Variants in ADAMTS12 observed in about 807,000 individuals in gnomAD.
ADAMTS12 encodes ADAM metallopeptidase with thrombospondin type 1 motif 12.
ADAMTS12 carries 118 observed loss-of-function variants against 167.8 expected under a neutral mutation model. The observed-to-expected ratio is 0.70, with a 90% CI of 0.61 to 0.82. The LOEUF is 0.82. Among genes scored for constraint, ADAMTS12 ranks in the 40% least tolerant of loss-of-function variants. ADAMTS12 has a pLI of 0.00. For missense variants in ADAMTS12, 1,916 were observed against 1,998.8 expected (o/e 0.96, Z 0.79); for synonymous variants, 704 against 716.9 (o/e 0.98, Z 0.29).
chr5:33,591,776 T>C (rs1431622916), intron 17 of ADAMTS12, among the ~76,000 whole-genome samples: 1 of 152,150 alleles, frequency 6.6e-6, no homozygotes, highest in African/African-American at 2.4e-5. Context: ...CAGGGGACAT[T>C]TGGGAATGTC....
chr5:33,813,833 C>T (rs1747550454), intron 2 of ADAMTS12, among the ~76,000 whole-genome samples: 1 of 152,232 alleles, frequency 6.6e-6, no homozygotes. Flanking sequence ...CAGAGACATG[C>T]TGTGCCCCCT....
chr5:33,731,716 G>A (rs1744200920), intron 3 of ADAMTS12, among the ~76,000 whole-genome samples: 2 of 152,200 alleles, frequency 1.3e-5, no homozygotes, highest in African/African-American at 4.8e-5. Flanking sequence ...TCAGGAACAC[G>A]ATGCTCTGGC....
intron 14 of ADAMTS12, among the ~76,000 whole-genome samples, chr5:33,621,994 C>A (rs149651737): frequency 6.6e-6 from 1 of 152,286 alleles, no homozygotes; most frequent in East Asian, 1.9e-4. Flanking sequence ...GCAACCATGA[C>A]CCTCTTGTTA....
intron 2 of ADAMTS12, among the ~76,000 whole-genome samples, chr5:33,764,875 T>C (rs2112415535): frequency 6.6e-6 from 1 of 151,978 alleles, no homozygotes; most frequent in East Asian, 1.9e-4. Flanking sequence ...CCACCCCCAT[T>C]TGCACCCCCG....
At chr5:33,730,016 C>T (rs560388881) in intron 3 of ADAMTS12, among the ~76,000 whole-genome samples, 1 of 152,264 alleles carries the variant, frequency 6.6e-6, no homozygotes, top group South Asian at 2.1e-4. Flanking sequence ...CCAAAAGTTC[C>T]ATTCTGGAGC....
intron 1 of ADAMTS12, among the ~76,000 whole-genome samples, chr5:33,884,501 C>G (rs1291870169): frequency 6.6e-6 from 1 of 152,186 alleles, no homozygotes; most frequent in Non-Finnish European, 1.5e-5. Context: ...TGCCCATGCT[C>G]CCCAAGCCCA....
intron 21 of ADAMTS12, among the ~76,000 whole-genome samples, chr5:33,547,961 C>T (rs1745063638): frequency 6.6e-6 from 1 of 152,124 alleles, no homozygotes; most frequent in Admixed American, 6.5e-5. Context: ...TACTCAAGAA[C>T]TAGGCAGGGG....
chr5:33,680,688 A>T (rs1209733563), intron 5 of ADAMTS12, among the ~76,000 whole-genome samples: 1 of 152,172 alleles, frequency 6.6e-6, no homozygotes, highest in Non-Finnish European at 1.5e-5. Flanking sequence ...TTCAAGATGT[A>T]TTTAACTCAT....
intron 17 of ADAMTS12, among the ~76,000 whole-genome samples, chr5:33,595,462 G>C (rs903316927): frequency 9.2e-5 from 14 of 152,238 alleles, no homozygotes; most frequent in Middle Eastern, 3.4e-3. Context: ...CCACAACAAA[G>C]AGTCAGCCAG....
chr5:33,636,805 T>C (rs975842759), intron 12 of ADAMTS12, among the ~76,000 whole-genome samples: 5 of 152,200 alleles, frequency 3.3e-5, no homozygotes, highest in African/African-American at 1.2e-4. Context: ...ACAAATATGT[T>C]TTTTGATGTT....
chr5:33,663,704 A>G (rs1472604808), intron 5 of ADAMTS12, among the ~76,000 whole-genome samples: 1 of 152,236 alleles, frequency 6.6e-6, no homozygotes, highest in Non-Finnish European at 1.5e-5. Context: ...GCAGTTGGTC[A>G]TCAACCTCAC....
intron 19 of ADAMTS12, among the ~76,000 whole-genome samples, chr5:33,568,970 G>A (rs937534474): frequency 6.6e-5 from 10 of 152,218 alleles, no homozygotes; most frequent in African/African-American, 1.7e-4. Context: ...AGGGTCCTAC[G>A]CCCACGGAGT....
chr5:33,786,874 A>G (rs960966477), intron 2 of ADAMTS12, among the ~76,000 whole-genome samples: 5 of 149,216 alleles, frequency 3.4e-5, no homozygotes, highest in Non-Finnish European at 7.5e-5. Context: ...AAATTAAACC[A>G]ACAATTAAGA....
At position 33,616,077 on chromosome 5, in the gene ADAMTS12, A is replaced by G. The variant is rs1324862575; in HGVS notation, c.2144-5T>C. On this transcript the variant is annotated splice_polypyrimidine_tract_variant and splice_region_variant and intron_variant, in intron 14 of 23. Transcript: ENST00000504830. ...TGAGCCCAATGTCAACATAACCTAA[A>G]GAGAGAAGACACAATCATGAAAGAG... 6.2e-7 allele frequency: 1 copy of G among 1,613,502 alleles called. No homozygotes were observed.
chr5:33,756,277 C>T (rs1182326257), intron 2 of ADAMTS12, among the ~76,000 whole-genome samples: 1 of 152,214 alleles, frequency 6.6e-6, no homozygotes, highest in Non-Finnish European at 1.5e-5. Flanking sequence ...GAGCCCTTCC[C>T]CACAGAACAC....
rs889412325 is a variant in ADAMTS12, at chr5:33,526,153, CTTTGAAATA to C, written c.*1026_*1034del. 8 of 152,130 alleles carry C rather than the reference CTTTGAAATA, an allele frequency of 5.3e-5. No homozygotes were observed. The allele number at this position is 152,130 out of a possible 1,614,324, so 9.4% of individuals were successfully genotyped here. On this transcript the variant is annotated 3_prime_UTR_variant, in exon 24 of 24. Transcript: ENST00000504830. ...TGTACTTAGTACAATTTACCTGGTT[CTTTGAAATA>C]TTTTAATATGGAACCTCCATTTTCC...
At position 33,857,397 on chromosome 5, in the gene ADAMTS12, G is replaced by A. The variant is rs1197914198; in HGVS notation, c.489+23722C>T. On this transcript the variant is annotated intron_variant, in intron 2 of 23. Transcript: ENST00000504830. ...AGTGTATACTTGAAATTTGCTAAGAGGGTAGATTTTAAGTGCTCTCATCAC... is the reference window on the plus strand; with the variant it reads ...AGTGTATACTTGAAATTTGCTAAGAAGGTAGATTTTAAGTGCTCTCATCAC... 4.0e-5 allele frequency among the ~76,000 whole-genome samples: 6 copies of A among 151,558 alleles called. 1 individual carries two copies. In the East Asian group the frequency reaches 5.8e-4, roughly 15 times the overall value.
At chr5:33,628,538 C>A (rs1739767023) in intron 13 of ADAMTS12, among the ~76,000 whole-genome samples, 1 of 152,072 alleles carries the variant, frequency 6.6e-6, no homozygotes, top group South Asian at 2.1e-4. Flanking sequence ...AAAATATTGG[C>A]AAATATTGTA....
At position 33,551,441 on chromosome 5, in the gene ADAMTS12, G is replaced by A. The variant is rs533025298; in HGVS notation, c.4126-2058C>T. Among the ~76,000 whole-genome samples, 3 of 152,262 alleles carry A rather than the reference G, an allele frequency of 2.0e-5. No homozygotes were observed. In the South Asian group the frequency reaches 6.2e-4, roughly 32 times the overall value. On this transcript the variant is annotated intron_variant, in intron 20 of 23. Coordinates refer to ENST00000504830, the MANE Select transcript of ADAMTS12 (RefSeq NM_030955.4). The stretch of plus-strand genomic sequence containing the variant: ...CACAGTAAGCACACAAAGAAAAACA[G>A]TAACAGCAAACTTAAAATTTGCCAT...
Sources: allele counts gnomAD v4.1 joint callset (sites outside exome capture counted in the v4.1 genomes callset), GRCh38; gene constraint gnomAD v4.1.1; transcripts MANE v1.5; gene names NCBI Gene and HGNC (gene_info 2026-07-23, HGNC 2026-07-21).